Variants in ADGRB3 observed in about 807,000 individuals in gnomAD.
The protein encoded by ADGRB3 is brain-specific angiogenesis inhibitor 3.
Under a neutral mutation model 193.4 loss-of-function variants are expected in ADGRB3, and 37 were observed. The ratio of observed to expected loss-of-function variants is 0.19; its 90% CI spans 0.15 to 0.25. The LOEUF is 0.25. ADGRB3 is among the 10% of genes least tolerant of loss of function. The probability of loss-of-function intolerance (pLI) is 1.00; values close to 1 mark genes in which losing one functional copy is unlikely to be tolerated. For missense variants in ADGRB3, 1,637 were observed against 1,852.9 expected, an observed-to-expected ratio of 0.88 and a Z score of 2.14; for synonymous variants, 690 against 644.2, an observed-to-expected ratio of 1.07 and a Z score of -1.08.
rs1769310643 is a variant in ADGRB3 at position 68,993,893 on chromosome 6, G to A, written c.1860G>A (p.Val620=). The change falls in exon 11 of 32, where the codon GTG becomes GTA. Residue 620 remains valine, a synonymous_variant. Transcript: ENST00000370598. ...NFYAGDLLMS[V]EILRNVTDTF... Reference sequence around the variant, plus strand: ...ATGCAGGCGATCTTCTGATGTCTGTGGAGATCCTGAGAAATGTGACAGACA... The same window carrying A: ...ATGCAGGCGATCTTCTGATGTCTGTAGAGATCCTGAGAAATGTGACAGACA... 3.7e-6 allele frequency: 6 copies of A among 1,613,898 alleles called. No individual in the cohort carries two copies. Among genetic ancestry groups the A allele is most frequent in the Non-Finnish European group, 5.1e-6 (6 of 1,179,878 alleles).
At chr6:69,033,815 C>A (rs568339691) in intron 13 of ADGRB3, among the ~76,000 whole-genome samples, 2 of 151,876 alleles carry the variant, frequency 1.3e-5, no homozygotes, top group Non-Finnish European at 2.9e-5. Context: ...AATGAAGATA[C>A]GTTTTAATGA....
At chr6:68,777,633 G>C (rs140931740) in intron 3 of ADGRB3, among the ~76,000 whole-genome samples, 59 of 143,918 alleles carry the variant, frequency 4.1e-4, no homozygotes, top group Non-Finnish European at 6.9e-4. Context: ...GGGACCAAAG[G>C]GATTAGGAAG....
chr6:68,865,721 C>G (rs1245610877), intron 3 of ADGRB3, among the ~76,000 whole-genome samples: 1 of 152,154 alleles, frequency 6.6e-6, no homozygotes, highest in Non-Finnish European at 1.5e-5. Flanking sequence ...TTTTCCTGTA[C>G]TGAATGCTGG....
chr6:68,750,963 G>A (rs1309852851), intron 3 of ADGRB3, among the ~76,000 whole-genome samples: 1 of 151,908 alleles, frequency 6.6e-6, no homozygotes, highest in Non-Finnish European at 1.5e-5. Flanking sequence ...TTGCCCATCT[G>A]TCCTAAGCTT....
chr6:68,901,816 G>A, intron 3 of ADGRB3, among the ~76,000 whole-genome samples: 1 of 152,058 alleles, frequency 6.6e-6, no homozygotes, highest in Non-Finnish European at 1.5e-5. Flanking sequence ...AATACTAGTA[G>A]GGAAGACGCA....
At chr6:68,897,975 T>C (rs551056668) in intron 3 of ADGRB3, among the ~76,000 whole-genome samples, 191 of 147,296 alleles carry the variant, frequency 1.3e-3, no homozygotes, top group African/African-American at 4.5e-3. Context: ...TAATTATATA[T>C]AATATTACAT....
rs185643719 is a variant in ADGRB3 at position 68,794,500 on chromosome 6, T to C, written c.758-136059T>C. The stretch of plus-strand genomic sequence containing the variant: ...GAAATTTATGCTGTGGTAATAACTG[T>C]AACATATTGAGCTTATATTATATAC... On this transcript the variant is annotated intron_variant, in intron 3 of 31. Coordinates refer to ENST00000370598, the MANE Select transcript of ADGRB3 (RefSeq NM_001704.3). Among the ~76,000 whole-genome samples the C allele has an allele frequency of 4.6e-3, 698 of 152,278 alleles. 6 individuals are homozygous for C. The highest frequency in any genetic ancestry group is 0.016 in the African/African-American group (661 of 41,566).
intron 13 of ADGRB3, among the ~76,000 whole-genome samples, chr6:69,020,382 T>A (rs1253466239): frequency 6.6e-6 from 1 of 152,092 alleles, no homozygotes; most frequent in Non-Finnish European, 1.5e-5. Context: ...TATTATTTGC[T>A]GTAAAAATTT....
chr6:69,260,901 G>T (rs950833616), intron 20 of ADGRB3, among the ~76,000 whole-genome samples: 4 of 152,026 alleles, frequency 2.6e-5, no homozygotes, highest in African/African-American at 9.7e-5. Flanking sequence ...ACTGTATTTA[G>T]GAATATTATC....
At chr6:69,327,078 T>A (rs1768590367) in intron 21 of ADGRB3, among the ~76,000 whole-genome samples, 1 of 152,058 alleles carries the variant, frequency 6.6e-6, no homozygotes, top group South Asian at 2.1e-4. Flanking sequence ...AATAAAATGA[T>A]TAGATGACGG....
intron 20 of ADGRB3, among the ~76,000 whole-genome samples, chr6:69,265,513 A>G (rs1407140592): frequency 6.6e-6 from 1 of 151,838 alleles, no homozygotes; most frequent in East Asian, 1.9e-4. Flanking sequence ...AAAGCACCCA[A>G]ATCTCTCAAT....
intron 3 of ADGRB3, among the ~76,000 whole-genome samples, chr6:68,897,882 AAG>A (rs1256511423): frequency 2.0e-5 from 3 of 149,464 alleles, no homozygotes; most frequent in African/African-American, 4.9e-5. Flanking sequence ...GAAAGAAAGA[AAG>A]AAAAAAGAAA....
At chr6:68,755,707 G>T (rs1040575174) in intron 3 of ADGRB3, among the ~76,000 whole-genome samples, 1 of 152,128 alleles carries the variant, frequency 6.6e-6, no homozygotes, top group Non-Finnish European at 1.5e-5. Flanking sequence ...AAGTGGGGAA[G>T]ATTCAAAGTA....
At chr6:69,254,976 C>A (rs1222611188) in intron 20 of ADGRB3, among the ~76,000 whole-genome samples, 1 of 150,050 alleles carries the variant, frequency 6.7e-6, no homozygotes, top group South Asian at 2.1e-4. Context: ...TTTGTTCTTG[C>A]GATAGTTTAC....
intron 17 of ADGRB3, among the ~76,000 whole-genome samples, chr6:69,121,471 C>T (rs530282211): frequency 3.9e-5 from 6 of 152,018 alleles, no homozygotes; most frequent in Admixed American, 1.3e-4. Flanking sequence ...CTTTTCTTTT[C>T]GACAAAACTG....
chr6:69,318,427 T>G (rs1768365815), intron 20 of ADGRB3, among the ~76,000 whole-genome samples: 1 of 151,404 alleles, frequency 6.6e-6, no homozygotes, highest in Non-Finnish European at 1.5e-5. Flanking sequence ...CTGGACCCAC[T>G]CTGATTTGAT....
intron 11 of ADGRB3, 70 bp downstream of exon 11, chr6:68,994,032 G>A: frequency 6.7e-7 from 1 of 1,491,238 alleles, no homozygotes; most frequent in Non-Finnish European, 9.2e-7. Context: ...CACGAAGCCA[G>A]TGCAGCCGTC....
intron 20 of ADGRB3, among the ~76,000 whole-genome samples, chr6:69,272,187 T>C (rs1344445290): frequency 6.6e-6 from 1 of 152,212 alleles, no homozygotes; most frequent in Non-Finnish European, 1.5e-5. Context: ...GAAATTTCCA[T>C]CTGCATTTGG....
At chr6:69,154,119 T>G (rs1443514685) in intron 17 of ADGRB3, among the ~76,000 whole-genome samples, 1 of 151,424 alleles carries the variant, frequency 6.6e-6, no homozygotes, top group Non-Finnish European at 1.5e-5. Context: ...TTCGTGACTT[T>G]ATAGTCAATT....
Sources: allele counts gnomAD v4.1 joint callset (sites outside exome capture counted in the v4.1 genomes callset), GRCh38; gene constraint gnomAD v4.1.1; transcripts MANE v1.5; gene names NCBI Gene and HGNC (gene_info 2026-07-23, HGNC 2026-07-21).